Variants in HK1 observed in about 807,000 individuals in gnomAD.
HK1 encodes the protein hexokinase-1.
HK1 carries 28 observed loss-of-function variants against 91.6 expected under a neutral mutation model. That is an observed-to-expected ratio of 0.31 (90% CI 0.23 to 0.42). The LOEUF is 0.42. HK1 is among the 10% of genes least tolerant of loss of function. HK1 has a pLI of 1.00. For synonymous variants in HK1, 430 were observed against 468.1 expected (o/e 0.92, Z 1.05); for missense variants, 770 against 1,219.8 (o/e 0.63, Z 5.49).
At chr10:69,281,280 C>T (rs542691828) in intron 1 of HK1, among the ~76,000 whole-genome samples, 1 of 152,296 alleles carries the variant, frequency 6.6e-6, no homozygotes, top group South Asian at 2.1e-4. Context: ...CAAGTTCCCA[C>T]CTAATGCTGT....
intron 2 of HK1, among the ~76,000 whole-genome samples, chr10:69,347,121 G>A (rs935243032): frequency 2.0e-5 from 3 of 151,310 alleles, no homozygotes; most frequent in Admixed American, 6.6e-5. Context: ...CGATCCTCCT[G>A]CCTTAGCACC....
upstream of HK1, among the ~76,000 whole-genome samples, chr10:69,312,519 G>A (rs1174899845): frequency 1.3e-5 from 2 of 152,042 alleles, no homozygotes; most frequent in East Asian, 1.9e-4. Context: ...GATTACAGGC[G>A]TGAGCCACCG....
At chr10:69,368,991 C>T (rs1046287000) in intron 5 of HK1, among the ~76,000 whole-genome samples, 7 of 152,194 alleles carry the variant, frequency 4.6e-5, no homozygotes, top group African/African-American at 1.7e-4. Context: ...AGGAATGTAG[C>T]TCCATGAGTA....
chr10:69,363,248 C>G (rs1287179307), intron 3 of HK1, among the ~76,000 whole-genome samples: 2 of 152,172 alleles, frequency 1.3e-5, no homozygotes, highest in African/African-American at 4.8e-5. Context: ...GTTAGCTAGG[C>G]TGTGGCATGG....
At chr10:69,394,819 A>G in intron 15 of HK1, 131 bp from the exon 16 acceptor site, 2 of 882,538 alleles carry the variant, frequency 2.3e-6, no homozygotes, top group Non-Finnish European at 3.7e-6. Context: ...GGCAGAGCAC[A>G]GGGCTGGGCA....
At chr10:69,286,039 G>A (rs1845016051) in intron 2 of HK1, among the ~76,000 whole-genome samples, 1 of 152,206 alleles carries the variant, frequency 6.6e-6, no homozygotes, top group East Asian at 1.9e-4. Flanking sequence ...GAGGTAACAT[G>A]CATTCTCTGC....
intron 1 of HK1, among the ~76,000 whole-genome samples, chr10:69,281,680 T>C (rs1482125765): frequency 1.3e-5 from 2 of 152,198 alleles, no homozygotes; most frequent in African/African-American, 4.8e-5. Flanking sequence ...GTAAGCTCCA[T>C]GAAGACAGGA....
At chr10:69,313,012 G>A (rs1381149147), upstream of HK1, among the ~76,000 whole-genome samples, 1 of 152,200 alleles carries the variant, frequency 6.6e-6, no homozygotes, top group Non-Finnish European at 1.5e-5. Flanking sequence ...ACAGGTCAGG[G>A]TTGAGTAAGG....
Position 69,364,909 on chromosome 10 carries a change from A to G in HK1, c.495+7A>G. ...ACAATCCAAAATAGATGAGGTAAGGATGTTCTGGGATTATCGGGCTCTGCA... is the reference window on the plus strand; with the variant it reads ...ACAATCCAAAATAGATGAGGTAAGGGTGTTCTGGGATTATCGGGCTCTGCA... On this transcript the variant is annotated splice_region_variant and intron_variant, in intron 4 of 17. Coordinates refer to ENST00000359426, the MANE Select transcript of HK1 (RefSeq NM_000188.3). The G allele has an allele frequency of 6.2e-7, 1 of 1,614,076 alleles. No individual in the cohort carries two copies.
chr10:69,321,936 A>G (rs945318292), intron 1 of HK1, among the ~76,000 whole-genome samples: 24 of 152,244 alleles, frequency 1.6e-4, no homozygotes, highest in African/African-American at 5.8e-4. Context: ...AGGGAGGCAT[A>G]TGTGTGCTTG....
intron 3 of HK1, among the ~76,000 whole-genome samples, chr10:69,295,115 C>T (rs554809368): frequency 1.3e-5 from 2 of 152,000 alleles, no homozygotes; most frequent in African/African-American, 4.8e-5. Flanking sequence ...GCAGACCCTG[C>T]CAAGAGCTGG....
intron 1 of HK1, among the ~76,000 whole-genome samples, chr10:69,332,529 G>A (rs760540934): frequency 2.6e-4 from 40 of 151,738 alleles, no homozygotes; most frequent in Middle Eastern, 3.2e-3. Context: ...CAGGAGCGCC[G>A]CACCACACCC....
intron 1 of HK1, among the ~76,000 whole-genome samples, chr10:69,325,734 A>G (rs1847320312): frequency 6.6e-6 from 1 of 150,854 alleles, no homozygotes; most frequent in South Asian, 2.1e-4. Flanking sequence ...ACTGGGTTTC[A>G]CCATGTTGGC....
intron 15 of HK1, 135 bp from the exon 16 acceptor site, chr10:69,394,815 G>T: frequency 1.2e-6 from 1 of 862,030 alleles, no homozygotes; most frequent in East Asian, 2.6e-5. Context: ...CTGCGGCAGA[G>T]CACAGGGCTG....
chr10:69,283,376 C>T (rs915602536), intron 2 of HK1, among the ~76,000 whole-genome samples: 17 of 147,392 alleles, frequency 1.2e-4, no homozygotes, highest in African/African-American at 3.3e-4. Context: ...ATCACTTGGG[C>T]GCAGGAGGTC....
chr10:69,326,809 C>T (rs1361416910), intron 1 of HK1, among the ~76,000 whole-genome samples: 2 of 152,262 alleles, frequency 1.3e-5, no homozygotes, highest in Middle Eastern at 3.4e-3. Context: ...CTTCTCCCTT[C>T]GGAGGTGACC....
At chr10:69,312,578 TG>T (rs976845197), upstream of HK1, among the ~76,000 whole-genome samples, 3 of 150,484 alleles carry the variant, frequency 2.0e-5, no homozygotes, top group Non-Finnish European at 4.4e-5. Flanking sequence ...GGTAAGGAGA[TG>T]GGGAATATGC....
At position 69,371,140 on chromosome 10, in the gene HK1, C is replaced by T. The variant is rs564497341; in HGVS notation, c.875+1516C>T. Among the ~76,000 whole-genome samples, 6 of 152,264 alleles carry T rather than the reference C, an allele frequency of 3.9e-5. No individual in the cohort carries two copies. In the Middle Eastern group the frequency reaches 0.014, roughly 345 times the overall value. The stretch of plus-strand genomic sequence containing the variant: ...TGAATTAATGGATTTTCATCAATGG[C>T]GAGCTCCCCACCAGTGGAGGTGGCA... On this transcript the variant is annotated intron_variant, in intron 7 of 17. Coordinates refer to ENST00000359426, the MANE Select transcript of HK1 (RefSeq NM_000188.3).
At chr10:69,377,703 A>G (rs1304440210) in intron 8 of HK1, among the ~76,000 whole-genome samples, 1 of 152,256 alleles carries the variant, frequency 6.6e-6, no homozygotes, top group Non-Finnish European at 1.5e-5. Flanking sequence ...ATACAGATTT[A>G]TAGTATCATC....
Sources: allele counts gnomAD v4.1 joint callset (sites outside exome capture counted in the v4.1 genomes callset), GRCh38; gene constraint gnomAD v4.1.1; transcripts MANE v1.5; gene names NCBI Gene and HGNC (gene_info 2026-07-23, HGNC 2026-07-21).